The following LONP2 variants were observed in gnomAD, a reference collection of about 807,000 sequenced individuals.
The protein encoded by LONP2 is lon protease homolog 2, peroxisomal.
Under a neutral mutation model 85.6 loss-of-function variants are expected in LONP2, and 60 were observed. The ratio of observed to expected loss-of-function variants is 0.70; its 90% CI spans 0.57 to 0.87. The LOEUF is 0.87. LONP2 is among the 40% of genes least tolerant of loss of function. The pLI is 0.00. For synonymous variants in LONP2, 395 were observed against 389.7 expected, an observed-to-expected ratio of 1.01 and a Z score of -0.16; for missense variants, 860 against 1,063.5, an observed-to-expected ratio of 0.81 and a Z score of 2.66.
At chr16:48,305,143 T>G (rs1275827404) in intron 11 of LONP2, among the ~76,000 whole-genome samples, 1 of 152,242 alleles carries the variant, frequency 6.6e-6, no homozygotes, top group Non-Finnish European at 1.5e-5. Flanking sequence ...TCCTATCTTC[T>G]GTTGGATTGG....
intron 11 of LONP2, among the ~76,000 whole-genome samples, chr16:48,333,003 G>A (rs1299922365): frequency 6.6e-6 from 1 of 152,134 alleles, no homozygotes. Context: ...GGAATAGTGT[G>A]TTAAAAAAAG....
Position 48,245,280 on chromosome 16 carries a change from A to G in LONP2, c.233+659A>G, listed in dbSNP as rs557535265. Among the ~76,000 whole-genome samples the G allele has an allele frequency of 2.6e-5, 4 of 151,370 alleles. No homozygotes were observed. The East Asian group carries it at 7.8e-4, about 29-fold the overall frequency. ...CCTAGCTTCTCACCTCTGCTCCTTC[A>G]CTCATAACATTTCTTAGGCCCCAGG... On this transcript the variant is annotated intron_variant, in intron 1 of 14. Coordinates refer to ENST00000285737, the MANE Select transcript of LONP2 (RefSeq NM_031490.5).
At chr16:48,360,227 G>T (rs1294400805), downstream of LONP2, among the ~76,000 whole-genome samples, 1 of 152,164 alleles carries the variant, frequency 6.6e-6, no homozygotes, top group African/African-American at 2.4e-5. Flanking sequence ...AAGGCTCTTA[G>T]CCACTAGGCT....
intron 2 of LONP2, among the ~76,000 whole-genome samples, chr16:48,254,318 A>G (rs761657340): frequency 6.6e-5 from 10 of 151,726 alleles, no homozygotes; most frequent in Non-Finnish European, 1.2e-4. Context: ...TTATGTCTCT[A>G]TGATTCTGCC....
intron 5 of LONP2, among the ~76,000 whole-genome samples, chr16:48,261,805 A>C (rs898746093): frequency 1.3e-5 from 2 of 152,030 alleles, no homozygotes; most frequent in South Asian, 2.1e-4. Context: ...TTCAGTTAGC[A>C]TCATATTCTT....
intron 14 of LONP2, among the ~76,000 whole-genome samples, chr16:48,348,888 A>G (rs945162417): frequency 1.3e-5 from 2 of 152,330 alleles, no homozygotes; most frequent in East Asian, 1.9e-4. Flanking sequence ...GCCTTGTTCT[A>G]CTTGACAAAT....
intron 8 of LONP2, among the ~76,000 whole-genome samples, chr16:48,288,694 T>C (rs945117302): frequency 6.6e-6 from 1 of 152,088 alleles, no homozygotes; most frequent in African/African-American, 2.4e-5. Context: ...TTTCCTCTTA[T>C]AAGGGTACCA....
At chr16:48,358,726 TGGGA>T (rs1421712767), downstream of LONP2, among the ~76,000 whole-genome samples, 3 of 151,978 alleles carry the variant, frequency 2.0e-5, no homozygotes, top group Non-Finnish European at 4.4e-5. Flanking sequence ...GAGGATGAGA[TGGGA>T]GGATCACTTG....
In LONP2 at chr16:48,348,083, C is replaced by G; in HGVS notation, c.2147-17C>G. The G allele has an allele frequency of 6.3e-7, 1 of 1,578,678 alleles. No homozygotes were observed. Among genetic ancestry groups the G allele is most frequent in the Middle Eastern group, 1.7e-4 (1 of 5,868 alleles). On this transcript the variant is annotated splice_polypyrimidine_tract_variant and intron_variant, in intron 13 of 14. Coordinates refer to ENST00000285737, the MANE Select transcript of LONP2 (RefSeq NM_031490.5). ...GTTTAATTTTTCTACATTAAAGTCC[C>G]TTTTTCCTTTTTAAAGCTTTTGGAA...
chr16:48,314,247 G>C (rs1320531801), intron 11 of LONP2, among the ~76,000 whole-genome samples: 2 of 151,692 alleles, frequency 1.3e-5, no homozygotes, highest in African/African-American at 4.8e-5. Flanking sequence ...TTCCCATTCT[G>C]TAGGTTGTCT....
chr16:48,258,730 A>G lies in LONP2; in HGVS notation c.713A>G (p.Asp238Gly), dbSNP rs1201432868. The change falls in exon 4 of 15, where the codon GAT becomes GGT. Residue 238 changes from aspartate (D) to glycine (G), a missense_variant. Asp to Gly is a moderately conservative substitution (Grantham distance 94). Coordinates refer to ENST00000285737, the MANE Select transcript of LONP2 (RefSeq NM_031490.5). ...LQKTRKPKQD[D>G]DKRVIAIRPI... is the part of the protein sequence containing the mutation. ...AAAACCAGAAAACCCAAGCAAGATG[A>G]TGATAAGAGGGTAAATATTTATTTT... is the stretch of plus-strand genomic sequence containing the variant. 1.9e-6 allele frequency: 3 copies of G among 1,607,530 alleles called. No individual in the cohort carries two copies. In the East Asian group the frequency reaches 6.7e-5, roughly 36 times the overall value.
In LONP2 at chr16:48,362,482, AC is replaced by A; in HGVS notation, c.*620del. The A allele has an allele frequency of 6.3e-7, 1 of 1,577,262 alleles. No individual in the cohort carries two copies. Reference sequence around the variant, plus strand: ...AGAAAAATAATTATAACCATGACTTACTTTATAAATAATGTTTACATGCCAT... The same window carrying A: ...AGAAAAATAATTATAACCATGACTTATTTATAAATAATGTTTACATGCCAT... On this transcript the variant is annotated 3_prime_UTR_variant, in exon 5 of 5. Transcript: ENST00000565867. This position sits in a 1 kb window ranked among gnomAD's most constrained non-coding sequence, Gnocchi z 4.2.
chr16:48,278,235 A>G (rs1365107423), intron 8 of LONP2, among the ~76,000 whole-genome samples: 2 of 152,102 alleles, frequency 1.3e-5, no homozygotes, highest in Non-Finnish European at 2.9e-5. Flanking sequence ...CCAATCGTCT[A>G]ATTCTGTCAA....
Position 48,291,704 on chromosome 16 carries a change from T to A in LONP2, c.1384-4311T>A, listed in dbSNP as rs908644585. ...TAGAATCCCTGCTCTGAAGTTAGGG[T>A]AAGAAGATGAGGTTTGATAGCTACA... On this transcript the variant is annotated intron_variant, in intron 8 of 14. Coordinates refer to ENST00000285737, the MANE Select transcript of LONP2 (RefSeq NM_031490.5). Among the ~76,000 whole-genome samples, 4 of 152,270 alleles carry A rather than the reference T, an allele frequency of 2.6e-5. No homozygotes were observed. The South Asian group carries it at 8.3e-4, about 32-fold the overall frequency.
chr16:48,254,037 T>C, intron 2 of LONP2, among the ~76,000 whole-genome samples: 1 of 152,222 alleles, frequency 6.6e-6, no homozygotes, highest in East Asian at 1.9e-4. Context: ...ATCTCTTCAA[T>C]GAACTTCTTC....
intron 12 of LONP2, among the ~76,000 whole-genome samples, chr16:48,336,826 T>A (rs1381102981): frequency 6.6e-6 from 1 of 152,202 alleles, no homozygotes; most frequent in Admixed American, 6.5e-5. Context: ...GGGGATATGA[T>A]GGCTTAGCTT....
At chr16:48,250,884 G>C (rs549322985) in intron 1 of LONP2, among the ~76,000 whole-genome samples, 2 of 152,288 alleles carry the variant, frequency 1.3e-5, no homozygotes, top group South Asian at 4.1e-4. Flanking sequence ...ATAGCTAATT[G>C]CTAAATAATT....
intron 11 of LONP2, among the ~76,000 whole-genome samples, chr16:48,329,050 A>G (rs937565898): frequency 6.6e-6 from 1 of 152,168 alleles, no homozygotes. Flanking sequence ...ACTGGAGACA[A>G]TGATTTATTT....
At chr16:48,294,677 T>A (rs919451256) in intron 8 of LONP2, among the ~76,000 whole-genome samples, 1 of 152,060 alleles carries the variant, frequency 6.6e-6, no homozygotes, top group East Asian at 1.9e-4. Context: ...AAGATTGTAG[T>A]GAGCTGAGAC....
Sources: gnomAD v4.1 joint callset for allele counts (sites outside exome capture counted in the v4.1 genomes callset) on GRCh38, gnomAD v4.1.1 for gene constraint, Gnocchi (gnomAD v3.1) non-coding constraint, MANE v1.5 for transcripts, NCBI Gene and HGNC (gene_info 2026-07-23, HGNC 2026-07-21) for gene names.